Variants in TEPSIN observed in about 807,000 individuals in gnomAD.
TEPSIN encodes AP-4 complex accessory subunit tepsin.
A neutral mutation model predicts 48.5 loss-of-function variants in TEPSIN; 50 were observed. The observed-to-expected ratio is 1.03, with a 90% CI of 0.82 to 1.31. TEPSIN has a LOEUF of 1.31. Ranked by LOEUF, TEPSIN falls within the 50% of genes most tolerant of loss-of-function variation. The probability of loss-of-function intolerance (pLI) is 0.00; values close to 1 mark genes in which losing one functional copy is unlikely to be tolerated. For synonymous variants in TEPSIN, 392 were observed against 358.8 expected (o/e 1.09, Z -1.05); for missense variants, 838 against 815.9 (o/e 1.03, Z -0.33).
chr17:81,231,236 CCCACACGCA>C, intron 11 of TEPSIN, 153 bp downstream of exon 11: 1 of 713,434 alleles, frequency 1.4e-6, no homozygotes, highest in South Asian at 1.8e-5. Context: ...GGCATACACA[CCCACACGCA>C]CACACACAGG....
chr17:81,229,252 T>TGGGAGGGGGGGGGGCTTGGGGGGGG lies in TEPSIN; in HGVS notation c.1457_1458insCCCCCCCCAAGCCCCCCCCCCTCCC (p.Asp489GlnfsTer35). 2.8e-6 allele frequency: 1 copy of TGGGAGGGGGGGGGGCTTGGGGGGGG among 352,540 alleles called. No individual in the cohort carries two copies. Among genetic ancestry groups the TGGGAGGGGGGGGGGCTTGGGGGGGG allele is most frequent in the East Asian group, 1.3e-4 (1 of 7,586 alleles). 21.8% of individuals were successfully genotyped at this position (352,540 alleles called of 1,614,324 possible). On this transcript the variant is annotated frameshift_variant, in exon 13 of 13. Transcript: ENST00000637944. LOFTEE classifies it low-confidence loss of function (END_TRUNC). ...CTGGAATGGGGGAGGCATCTGGGGG[T>TGGGAGGGGGGGGGGCTTGGGGGGGG]GGGGTGGGCACAGGGCTGGACGGCA...
chr17:81,237,257 A>C, intron 2 of TEPSIN, 130 bp downstream of exon 2: 2 of 1,257,522 alleles, frequency 1.6e-6, no homozygotes, highest in Non-Finnish European at 2.3e-6. Flanking sequence ...GACCCCACCC[A>C]TGCCTGGTTA....
intron 1 of TEPSIN, 158 bp from the exon 2 acceptor site, chr17:81,237,617 G>A (rs1334222687): frequency 2.7e-6 from 2 of 750,952 alleles, no homozygotes; most frequent in East Asian, 2.7e-5. Context: ...TGGCCACAGG[G>A]AGGCTGCAGC....
chr17:81,238,672 C>G (rs1008341074), intron 1 of TEPSIN: 1 of 1,189,922 alleles, frequency 8.4e-7, no homozygotes, highest in Admixed American at 4.6e-5. Context: ...GGCTCCACGT[C>G]CACCGGGTCC....
chr17:81,228,841 G>A lies in TEPSIN; in HGVS notation c.*87C>T. ...TCTCAAGTCAAGCTGCCTGGAGACT[G>A]TAGCAGCTACGGTTGAGGCTGCTCA... On this transcript the variant is annotated 3_prime_UTR_variant, in exon 13 of 13. Coordinates refer to ENST00000637944, the MANE Select transcript of TEPSIN (RefSeq NM_001363764.2). The A allele has an allele frequency of 1.3e-6, 2 of 1,514,342 alleles. No homozygotes were observed. Among genetic ancestry groups the A allele is most frequent in the African/African-American group, 1.4e-5 (1 of 72,222 alleles). 93.8% of individuals were successfully genotyped at this position (1,514,342 alleles called of 1,614,324 possible).
intron 4 of TEPSIN, among the ~76,000 whole-genome samples, chr17:81,235,710 G>A (rs2062708459): frequency 6.6e-6 from 1 of 152,206 alleles, no homozygotes; most frequent in Non-Finnish European, 1.5e-5. Flanking sequence ...GCTGAATGGT[G>A]AGGATAAATG....
In TEPSIN at chr17:81,230,336, G is replaced by A; in HGVS notation, c.1233+208C>T. 1.6e-6 allele frequency: 1 copy of A among 613,742 alleles called. No individual in the cohort carries two copies. 38.0% of individuals were successfully genotyped at this position (613,742 alleles called of 1,614,324 possible). A position where few individuals can be genotyped will look rare whatever the true frequency, so the allele number is the denominator to read the frequency against. On this transcript the variant is annotated intron_variant, in intron 12 of 12. Coordinates refer to ENST00000637944, the MANE Select transcript of TEPSIN (RefSeq NM_001363764.2). The surrounding 1 kb of genome is among the most constrained non-coding windows in gnomAD (Gnocchi z 4.2). ...TAGAGGCCAGTGTACTGTGAGTGCT[G>A]CAGAGTTTGGGTGGAAGGCGGGAAG... is the stretch of plus-strand genomic sequence containing the variant.
In TEPSIN at chr17:81,233,257, C is replaced by T; in HGVS notation, c.526+175G>A. The T allele has an allele frequency of 1.3e-6, 1 of 753,290 alleles. No homozygotes were observed. The highest frequency in any genetic ancestry group is 2.1e-6 in the Non-Finnish European group (1 of 477,304). 46.7% of individuals were successfully genotyped at this position (753,290 alleles called of 1,614,324 possible). ...CAGCCCTGGCCACACCTGCCCCACC[C>T]CCACGTCAGCAGCCAGAGAGAGACA... On this transcript the variant is annotated intron_variant, in intron 7 of 12. Transcript: ENST00000637944. This position sits in a 1 kb window ranked among gnomAD's most constrained non-coding sequence, Gnocchi z 5.8.
chr17:81,236,187 T>G (rs2062717142), intron 4 of TEPSIN, among the ~76,000 whole-genome samples: 1 of 152,192 alleles, frequency 6.6e-6, no homozygotes, highest in Admixed American at 6.5e-5. Context: ...CAGACCCATC[T>G]TCTGCCTGGA....
In TEPSIN at chr17:81,231,871, C is replaced by A; in HGVS notation, c.881G>T (p.Arg294Leu). 1 of 1,613,542 alleles carries A rather than the reference C, an allele frequency of 6.2e-7. No individual in the cohort carries two copies. The highest frequency in any genetic ancestry group is 2.2e-5 in the East Asian group (1 of 44,868). Residue 294 changes from arginine (R) to leucine (L), a missense_variant, in exon 9 of 13, where the codon CGG becomes CTG. Physicochemically the swap from Arg to Leu is moderately radical, Grantham distance 102 (BLOSUM62 -2). Transcript: ENST00000637944. Reference sequence around the variant, plus strand: ...CCTTTCTGCCAGGTCACCCGGCTCCCGGCTGGCCCCTGAATGGCTGTCGCT... The same window carrying A: ...CCTTTCTGCCAGGTCACCCGGCTCCAGGCTGGCCCCTGAATGGCTGTCGCT... ...SGSDSHSGAS[R>L]EPGDLAERVE...
In TEPSIN at chr17:81,233,318, G is replaced by A. The variant is rs1056325762; in HGVS notation, c.526+114C>T. The A allele has an allele frequency of 1.8e-5, 23 of 1,268,450 alleles. No homozygotes were observed. In the Admixed American group the frequency reaches 5.4e-4, roughly 30 times the overall value. The allele number at this position is 1,268,450 out of a possible 1,614,324, so 78.6% of individuals were successfully genotyped here. ...CCCCAGGAAGGGTTGAGGCCATGTA[G>A]GGGAGGGGACGGGGGACAGCAGCTA... On this transcript the variant is annotated intron_variant, in intron 7 of 12. Transcript: ENST00000637944. The surrounding 1 kb of genome is among the most constrained non-coding windows in gnomAD (Gnocchi z 5.8).
At position 81,230,412 on chromosome 17, in the gene TEPSIN, G is replaced by T; in HGVS notation, c.1233+132C>A. On this transcript the variant is annotated intron_variant, in intron 12 of 12. Coordinates refer to ENST00000637944, the MANE Select transcript of TEPSIN (RefSeq NM_001363764.2). The surrounding 1 kb of genome is among the most constrained non-coding windows in gnomAD (Gnocchi z 4.2). ...TTGCTGCTGCTCCCTCTGCCAGCGG[G>T]ACAGGGACTTGAGAGGGGGTCCGGG... The T allele has an allele frequency of 7.7e-7, 1 of 1,304,374 alleles. No homozygotes were observed. The highest frequency in any genetic ancestry group is 1.0e-6 in the Non-Finnish European group (1 of 961,268). The allele number at this position is 1,304,374 out of a possible 1,614,324, so 80.8% of individuals were successfully genotyped here. A position where few individuals can be genotyped will look rare whatever the true frequency, so the allele number is the denominator to read the frequency against.
chr17:81,235,643 C>G (rs889575738), intron 4 of TEPSIN, among the ~76,000 whole-genome samples: 2 of 152,198 alleles, frequency 1.3e-5, no homozygotes, highest in Non-Finnish European at 2.9e-5. Flanking sequence ...GAGGCCACGA[C>G]GTACATGCAC....
Position 81,231,649 on chromosome 17 carries a change from G to A in TEPSIN, c.948C>T (p.Ser316=). 1 of 1,613,206 alleles carries A rather than the reference G, an allele frequency of 6.2e-7. No homozygotes were observed. Among genetic ancestry groups the A allele is most frequent in the Admixed American group, 1.7e-5 (1 of 59,976 alleles). Reference sequence around the variant, plus strand: ...GTCCCCGAGTCACAGTCCTCACCAAGCTCAACTCCTGCTGACAGTCACTCA... The same window carrying A: ...GTCCCCGAGTCACAGTCCTCACCAAACTCAACTCCTGCTGACAGTCACTCA... The part of the protein sequence containing the change: ...VALSDCQQEL[S]LVRTVTRGPR... Residue 316 remains serine (S), a synonymous_variant, in exon 10 of 13, where the codon AGC becomes AGT. Transcript: ENST00000637944.
chr17:81,232,196 G>A (rs982353421), intron 8 of TEPSIN, 119 bp downstream of exon 8: 56 of 1,323,600 alleles, frequency 4.2e-5, no homozygotes, highest in East Asian at 2.3e-4. Context: ...CTTCCGCCGC[G>A]GGTCCCACCC....
Position 81,234,299 on chromosome 17 carries a change from C to T in TEPSIN, c.308-251G>A, listed in dbSNP as rs956540597. 1.6e-5 allele frequency: 6 copies of T among 383,342 alleles called. No individual in the cohort carries two copies. In the South Asian group the frequency reaches 3.3e-4, roughly 21 times the overall value. 23.7% of individuals were successfully genotyped at this position (383,342 alleles called of 1,614,324 possible). ...GCAACCACCTCGTCTCCCCCAGGGT[C>T]GGCAACCCCTGGTGCCTGAGCGGGT... On this transcript the variant is annotated intron_variant, in intron 4 of 12. Transcript: ENST00000637944. The surrounding 1 kb of genome is among the most constrained non-coding windows in gnomAD (Gnocchi z 5.4).
chr17:81,239,029 G>T lies in TEPSIN; in HGVS notation c.5C>A (p.Ala2Asp). 6.7e-7 allele frequency: 1 copy of T among 1,493,058 alleles called. No homozygotes were observed. Among genetic ancestry groups the T allele is most frequent in the Non-Finnish European group, 8.9e-7 (1 of 1,126,298 alleles). 92.5% of individuals were successfully genotyped at this position (1,493,058 alleles called of 1,614,324 possible). A position where few individuals can be genotyped will look rare whatever the true frequency, so the allele number is the denominator to read the frequency against. The change falls in exon 1 of 13, where the codon GCT becomes GAT. Residue 2 changes from alanine (A) to aspartate (D), a missense_variant. Physicochemically the swap from Ala to Asp is moderately radical, Grantham distance 126. Coordinates refer to ENST00000637944, the MANE Select transcript of TEPSIN (RefSeq NM_001363764.2). ...GCGGTCCCGTAGCGGCGGCGCGGCA[G>T]CCATGATCCAGGTCCCCTCCCGGTC... M[A>D]AAPPLRDRLS...
intron 7 of TEPSIN, 102 bp from the exon 8 acceptor site, chr17:81,232,620 G>C (rs906634825): frequency 1.7e-6 from 2 of 1,151,768 alleles, no homozygotes; most frequent in African/African-American, 3.1e-5. Context: ...CAAGCTTGGA[G>C]AGGTCGGGGT....
In TEPSIN at chr17:81,232,352, C is replaced by T. The variant is rs1407081829; in HGVS notation, c.693G>A (p.Leu231=). The T allele has an allele frequency of 2.0e-6, 3 of 1,534,720 alleles. No homozygotes were observed. The highest frequency in any genetic ancestry group is 3.9e-5 in the Admixed American group (2 of 50,932). The change falls in exon 8 of 13, where the codon CTG becomes CTA. Residue 231 remains leucine (L), a synonymous_variant. Transcript: ENST00000637944. ...MPSASHGPPT[L]GNLLPGAIPG... is the part of the protein sequence containing the mutation. ...GAATGGCCCCGGGGAGTAGGTTCCC[C>T]AGGGTTGGGGGACCGTGGCTGGCTG...
Sources: allele counts gnomAD v4.1 joint callset (sites outside exome capture counted in the v4.1 genomes callset), GRCh38; gene constraint gnomAD v4.1.1; non-coding constraint Gnocchi (gnomAD v3.1); transcripts MANE v1.5; gene names NCBI Gene and HGNC (gene_info 2026-07-23, HGNC 2026-07-21).